The following KRABD5 variants were observed in gnomAD, a reference collection of about 807,000 sequenced individuals.
KRABD5 encodes KRAB domain-containing protein 5.
the KRABD5 span, among the ~76,000 whole-genome samples, chr16:31,734,651 C>T: frequency 1.3e-5 from 2 of 152,110 alleles, no homozygotes; most frequent in Admixed American, 1.3e-4. Flanking sequence ...GTAATTGTAA[C>T]TTTATACCTG....
chr16:31,728,664 A>C, the KRABD5 span, among the ~76,000 whole-genome samples: 1 of 152,192 alleles, frequency 6.6e-6, no homozygotes, highest in African/African-American at 2.4e-5. Context: ...AACTTGATAT[A>C]ATTTTAATCT....
the KRABD5 span, among the ~76,000 whole-genome samples, chr16:31,735,198 A>G: frequency 6.6e-6 from 1 of 151,918 alleles, no homozygotes; most frequent in Non-Finnish European, 1.5e-5. Flanking sequence ...TTCACTTAAC[A>G]TGATATCTCA....
At chr16:31,744,048 A>T in the KRABD5 span, among the ~76,000 whole-genome samples, 1 of 152,192 alleles carries the variant, frequency 6.6e-6, no homozygotes, top group East Asian at 1.9e-4. Context: ...TTTTCTAAAT[A>T]TAAAATTATG....
the KRABD5 span, chr16:31,722,530 G>T: frequency 2.8e-6 from 4 of 1,432,956 alleles, no homozygotes; most frequent in Non-Finnish European, 2.9e-6. Flanking sequence ...ATATAAATCA[G>T]TCAGTTTTCT....
At chr16:31,740,398 C>T in the KRABD5 span, among the ~76,000 whole-genome samples, 2 of 152,134 alleles carry the variant, frequency 1.3e-5, no homozygotes, top group African/African-American at 4.8e-5. Context: ...TTTTTCAGCT[C>T]CATACTTTGT....
the KRABD5 span, among the ~76,000 whole-genome samples, chr16:31,718,591 T>A: frequency 6.6e-6 from 1 of 152,166 alleles, no homozygotes; most frequent in African/African-American, 2.4e-5. Flanking sequence ...TCCAGAGCCG[T>A]GAGTGAAGCT....
chr16:31,729,019 T>C, the KRABD5 span, among the ~76,000 whole-genome samples: 1 of 152,232 alleles, frequency 6.6e-6, no homozygotes, highest in African/African-American at 2.4e-5. Context: ...CTCTCTATTA[T>C]TATATAGTTA....
the KRABD5 span, among the ~76,000 whole-genome samples, chr16:31,733,945 T>A: frequency 6.6e-6 from 1 of 152,218 alleles, no homozygotes; most frequent in African/African-American, 2.4e-5. Flanking sequence ...ATGTTCTTGC[T>A]TTTTGTTGCC....
At chr16:31,722,058 T>G in the KRABD5 span, among the ~76,000 whole-genome samples, 2 of 115,214 alleles carry the variant, frequency 1.7e-5, no homozygotes, top group East Asian at 6.9e-4. Context: ...GATGCGTTAG[T>G]TTTTTGTTTT....
the KRABD5 span, among the ~76,000 whole-genome samples, chr16:31,719,003 C>G: frequency 6.6e-6 from 1 of 152,220 alleles, no homozygotes; most frequent in Non-Finnish European, 1.5e-5. Flanking sequence ...CTCCAGTTTT[C>G]TAATACGTGG....
At chr16:31,727,965 T>G in the KRABD5 span, among the ~76,000 whole-genome samples, 1 of 152,148 alleles carries the variant, frequency 6.6e-6, no homozygotes, top group African/African-American at 2.4e-5. Flanking sequence ...AGGCTCATGT[T>G]ATTCTCCCAT....
chr16:31,755,286 G>T, the KRABD5 span: 1 of 503,362 alleles, frequency 2.0e-6, no homozygotes, highest in South Asian at 1.5e-5. Flanking sequence ...ATTCATACTG[G>T]AGAAAAACCC....
chr16:31,755,043 C>A, the KRABD5 span: 2 of 476,844 alleles, frequency 4.2e-6, no homozygotes, highest in Non-Finnish European at 8.6e-6. Context: ...GGAGAGAAAC[C>A]TTACAAATGT....
the KRABD5 span, chr16:31,723,236 G>C: frequency 1.2e-6 from 2 of 1,607,804 alleles, no homozygotes; most frequent in Non-Finnish European, 1.7e-6. Context: ...CAAGAGTCAT[G>C]TGACTTTTTC....
the KRABD5 span, among the ~76,000 whole-genome samples, chr16:31,729,735 T>C: frequency 2.0e-5 from 3 of 152,160 alleles, no homozygotes; most frequent in East Asian, 3.8e-4. Flanking sequence ...GCTTTGGTCA[T>C]GTTAATTTTT....
the KRABD5 span, among the ~76,000 whole-genome samples, chr16:31,720,616 A>C: frequency 6.6e-6 from 1 of 152,036 alleles, no homozygotes; most frequent in African/African-American, 2.4e-5. Flanking sequence ...TTTTTCCCCC[A>C]CTAATATACA....
the KRABD5 span, among the ~76,000 whole-genome samples, chr16:31,725,865 A>G: frequency 8.5e-5 from 13 of 152,304 alleles, no homozygotes; most frequent in East Asian, 2.5e-3. Context: ...CATCTTTTGG[A>G]TATGAAACTC....
At chr16:31,720,649 G>A in the KRABD5 span, among the ~76,000 whole-genome samples, 2 of 152,146 alleles carry the variant, frequency 1.3e-5, no homozygotes, top group South Asian at 2.1e-4. Context: ...CCATCAGTGC[G>A]TGAGCATTGA....
chr16:31,760,818 A>G, the KRABD5 span: 2 of 152,194 alleles, frequency 1.3e-5, no homozygotes, highest in Non-Finnish European at 2.9e-5. Flanking sequence ...AGTTTCTCTG[A>G]TGATAAGAAA....
Sources: allele counts gnomAD v4.1 joint callset (sites outside exome capture counted in the v4.1 genomes callset), GRCh38; gene constraint gnomAD v4.1.1; transcripts MANE v1.5; gene names NCBI Gene and HGNC (gene_info 2026-07-23, HGNC 2026-07-21).